Variants in SHPRH observed in about 807,000 individuals in gnomAD.
The protein encoded by SHPRH is E3 ubiquitin-protein ligase SHPRH.
In SHPRH, 106 loss-of-function variants were observed where a neutral mutation model predicts 202.5. The observed-to-expected ratio is 0.52, with a 90% CI of 0.45 to 0.62. The LOEUF (loss-of-function observed/expected upper bound fraction) is 0.62, where lower values mean the gene tolerates loss of function less well. SHPRH is among the 20% of genes least tolerant of loss of function. The probability of loss-of-function intolerance (pLI) is 0.00; values close to 1 mark genes in which losing one functional copy is unlikely to be tolerated. For missense variants in SHPRH, 1,710 were observed against 2,020.0 expected, an observed-to-expected ratio of 0.85 and a Z score of 2.94; for synonymous variants, 729 against 686.0, an observed-to-expected ratio of 1.06 and a Z score of -0.98.
intron 8 of SHPRH, among the ~76,000 whole-genome samples, chr6:145,944,742 TA>T (rs1787182773): frequency 6.6e-6 from 1 of 152,156 alleles, no homozygotes; most frequent in South Asian, 2.1e-4. Context: ...GCAAATATTA[TA>T]ACTATTTTCC....
chr6:145,953,205 A>C (rs915442860), intron 2 of SHPRH, among the ~76,000 whole-genome samples: 5 of 152,078 alleles, frequency 3.3e-5, no homozygotes. Context: ...AATCACTGAG[A>C]ATCTCATATT....
chr6:145,937,082 C>G (rs1786184068), intron 11 of SHPRH, among the ~76,000 whole-genome samples: 1 of 149,554 alleles, frequency 6.7e-6, no homozygotes, highest in African/African-American at 2.5e-5. Flanking sequence ...CTCCCAGGTT[C>G]AAGCGATTCT....
intron 1 of SHPRH, among the ~76,000 whole-genome samples, chr6:145,956,292 C>G (rs1788503282): frequency 6.6e-6 from 1 of 151,876 alleles, no homozygotes; most frequent in South Asian, 2.1e-4. Flanking sequence ...TCTATAAAAA[C>G]CATCAACTCA....
chr6:145,925,330 A>T (rs1353164984), intron 16 of SHPRH, among the ~76,000 whole-genome samples: 2 of 123,000 alleles, frequency 1.6e-5, no homozygotes, highest in African/African-American at 5.6e-5. Flanking sequence ...GTAGATTTTA[A>T]ATGTTCTCAC....
At chr6:145,864,935 A>ACACACT (rs1428595282) in intron 2 of SHPRH, among the ~76,000 whole-genome samples, 90 of 125,082 alleles carry the variant, frequency 7.2e-4, no homozygotes, top group African/African-American at 2.5e-3. Context: ...ATTTATAAAC[A>ACACACT]CACACACTCA....
At chr6:145,955,786 T>G (rs887016171) in intron 1 of SHPRH, among the ~76,000 whole-genome samples, 1 of 149,616 alleles carries the variant, frequency 6.7e-6, no homozygotes, top group Non-Finnish European at 1.5e-5. Context: ...GCAAAAAAAA[T>G]GAAAATAAAA....
chr6:145,948,465 T>G (rs1787629514), intron 4 of SHPRH, 115 bp from the exon 5 acceptor site: 1 of 640,322 alleles, frequency 1.6e-6, no homozygotes, highest in East Asian at 3.1e-5. Flanking sequence ...ATACCCATAT[T>G]CTTGTGAAAT....
intron 25 of SHPRH, among the ~76,000 whole-genome samples, chr6:145,902,652 C>G (rs897803925): frequency 2.0e-5 from 3 of 151,878 alleles, no homozygotes; most frequent in Admixed American, 2.0e-4. Context: ...AAAAAGAGGG[C>G]GCAATATTAA....
intron 8 of SHPRH, 122 bp from the exon 9 acceptor site, chr6:145,943,924 G>T: frequency 1.1e-6 from 1 of 936,622 alleles, no homozygotes; most frequent in Non-Finnish European, 1.5e-6. Context: ...CCTTTTCCCT[G>T]AGGAGAATCA....
chr6:145,908,654 T>C (rs1438576541), intron 25 of SHPRH: 1 of 152,172 alleles, frequency 6.6e-6, no homozygotes, highest in Non-Finnish European at 1.5e-5. Flanking sequence ...TTCTGGATAT[T>C]AGACCTCTGT....
intron 1 of SHPRH, among the ~76,000 whole-genome samples, chr6:145,959,419 T>C (rs1489785266): frequency 6.6e-6 from 1 of 152,198 alleles, no homozygotes; most frequent in Non-Finnish European, 1.5e-5. Flanking sequence ...CCGAATATAC[T>C]GTACAGGTTT....
chr6:145,946,699 T>G (rs924571119), intron 6 of SHPRH, among the ~76,000 whole-genome samples: 1 of 151,980 alleles, frequency 6.6e-6, no homozygotes, highest in East Asian at 1.9e-4. Flanking sequence ...AAGTTACTGA[T>G]AGTTAAGTCA....
At chr6:145,886,877 T>C in intron 29 of SHPRH, 90 bp from the exon 30 acceptor site, 1 of 1,360,850 alleles carries the variant, frequency 7.3e-7, no homozygotes, top group Non-Finnish European at 9.8e-7. Flanking sequence ...ACACATATTT[T>C]TTCTTAAGTT....
intron 13 of SHPRH, 39 bp downstream of exon 13, chr6:145,934,868 A>T: frequency 3.8e-6 from 6 of 1,565,120 alleles, no homozygotes; most frequent in Non-Finnish European, 5.2e-6. Context: ...GTCTATTATG[A>T]TATACCAACT....
At chr6:145,890,322 C>A (rs1357841757) in intron 28 of SHPRH, among the ~76,000 whole-genome samples, 1 of 152,152 alleles carries the variant, frequency 6.6e-6, no homozygotes, top group Non-Finnish European at 1.5e-5. Context: ...TACACAAAAT[C>A]CCATTTTCTC....
chr6:145,880,012 A>G (rs565834329), downstream of SHPRH, among the ~76,000 whole-genome samples: 2 of 152,010 alleles, frequency 1.3e-5, no homozygotes, highest in Non-Finnish European at 2.9e-5. Context: ...CGCCTTCTCT[A>G]CCCAATGAGG....
intron 25 of SHPRH, among the ~76,000 whole-genome samples, chr6:145,897,563 C>T (rs540605063): frequency 6.6e-6 from 1 of 152,036 alleles, no homozygotes; most frequent in Non-Finnish European, 1.5e-5. Flanking sequence ...ATATCAAAAT[C>T]AGACAAGAAC....
intron 25 of SHPRH, among the ~76,000 whole-genome samples, chr6:145,897,337 C>T (rs1337615893): frequency 6.6e-6 from 1 of 151,676 alleles, no homozygotes; most frequent in African/African-American, 2.4e-5. Flanking sequence ...GACTGAATCA[C>T]AAAGAAACAG....
chr6:145,864,423 G>A, exon 3 of SHPRH: 1 of 418,372 alleles, frequency 2.4e-6, no homozygotes. Context: ...AATGGCAGTT[G>A]TCAGGGACCA....
Sources: gnomAD v4.1 joint callset for allele counts (sites outside exome capture counted in the v4.1 genomes callset) on GRCh38, gnomAD v4.1.1 for gene constraint, MANE v1.5 for transcripts, NCBI Gene and HGNC (gene_info 2026-07-23, HGNC 2026-07-21) for gene names.